The following POLR3B variants were observed in gnomAD, a reference collection of about 807,000 sequenced individuals.
POLR3B encodes the protein RNA polymerase III subunit B.
Under a neutral mutation model 147.4 loss-of-function variants are expected in POLR3B, and 96 were observed. That is an observed-to-expected ratio of 0.65 (90% CI 0.55 to 0.77). POLR3B has a LOEUF of 0.77. Ranked by LOEUF, POLR3B falls within the 30% of genes least tolerant of loss-of-function variation. The pLI, the probability that POLR3B is intolerant of heterozygous loss-of-function variation, is 0.00. For missense variants in POLR3B, 1,036 were observed against 1,413.5 expected, an observed-to-expected ratio of 0.73 and a Z score of 4.28; for synonymous variants, 461 against 485.9, an observed-to-expected ratio of 0.95 and a Z score of 0.67.
intron 18 of POLR3B, among the ~76,000 whole-genome samples, chr12:106,439,648 T>C (rs2037623465): frequency 6.6e-6 from 1 of 152,120 alleles, no homozygotes; most frequent in African/African-American, 2.4e-5. Flanking sequence ...GTTGCCAATA[T>C]ATATATTGCA....
chr12:106,506,218 C>G (rs932424243), intron 27 of POLR3B, among the ~76,000 whole-genome samples: 2 of 152,144 alleles, frequency 1.3e-5, no homozygotes, highest in African/African-American at 4.8e-5. Flanking sequence ...GAAAAGAAAT[C>G]ATGTAATAGG....
Position 106,369,259 on chromosome 12 carries a change from C to T in POLR3B, c.228-16C>T. 1.4e-6 allele frequency: 2 copies of T among 1,430,244 alleles called. No individual in the cohort carries two copies. Among genetic ancestry groups the T allele is most frequent in the Non-Finnish European group, 2.0e-6 (2 of 1,012,474 alleles). 88.6% of individuals were successfully genotyped at this position (1,430,244 alleles called of 1,614,324 possible). On this transcript the variant is annotated splice_polypyrimidine_tract_variant and intron_variant, in intron 4 of 27. Transcript: ENST00000228347. ...TCGAAGAAGTATAATTCATACCGCA[C>T]TAATTTGCTTTTCAGATATCTTAAT... is the stretch of plus-strand genomic sequence containing the variant.
intron 22 of POLR3B, among the ~76,000 whole-genome samples, chr12:106,462,101 C>A (rs1158777021): frequency 2.0e-5 from 3 of 152,192 alleles, no homozygotes; most frequent in Non-Finnish European, 4.4e-5. Context: ...CCTGTCGTTC[C>A]TGTCATCTTA....
chr12:106,360,083 T>A (rs1316390151), intron 1 of POLR3B, among the ~76,000 whole-genome samples: 1 of 152,220 alleles, frequency 6.6e-6, no homozygotes, highest in Non-Finnish European at 1.5e-5. Context: ...TATGCATATC[T>A]GAAACTTCAT....
chr12:106,496,504 C>T, intron 24 of POLR3B: 1 of 601,498 alleles, frequency 1.7e-6, no homozygotes, highest in Non-Finnish European at 2.9e-6. Flanking sequence ...GCTGTGTGGC[C>T]TTGGACAAGT....
chr12:106,366,435 A>G, intron 2 of POLR3B, 81 bp from the exon 3 acceptor site: 1 of 857,100 alleles, frequency 1.2e-6, no homozygotes, highest in Non-Finnish European at 2.0e-6. Flanking sequence ...AGATTCCATT[A>G]TATGATCTAT....
intron 13 of POLR3B, among the ~76,000 whole-genome samples, chr12:106,428,502 GTC>G (rs1259585499): frequency 6.6e-6 from 1 of 152,132 alleles, no homozygotes; most frequent in Non-Finnish European, 1.5e-5. Context: ...TAGCCCTCTT[GTC>G]TGTTTCTCGT....
At chr12:106,469,265 C>T (rs1271368012) in intron 23 of POLR3B, among the ~76,000 whole-genome samples, 1 of 131,262 alleles carries the variant, frequency 7.6e-6, no homozygotes, top group Non-Finnish European at 1.6e-5. Context: ...GATTGCAACC[C>T]CTGCTTTTTT....
chr12:106,458,873 G>A (rs2037897852), intron 21 of POLR3B, among the ~76,000 whole-genome samples: 2 of 152,176 alleles, frequency 1.3e-5, no homozygotes, highest in Non-Finnish European at 2.9e-5. Flanking sequence ...TAAATTGGTG[G>A]TGGCTTATTA....
chr12:106,505,098 G>T (rs1384744257), intron 27 of POLR3B, among the ~76,000 whole-genome samples: 1 of 152,154 alleles, frequency 6.6e-6, no homozygotes, highest in African/African-American at 2.4e-5. Flanking sequence ...GTAGCATTTG[G>T]TACACAAAGG....
intron 12 of POLR3B, among the ~76,000 whole-genome samples, chr12:106,422,554 G>A (rs2037385953): frequency 6.6e-6 from 1 of 152,148 alleles, no homozygotes; most frequent in African/African-American, 2.4e-5. Flanking sequence ...TGTTCATCTG[G>A]AATGAAGTAA....
chr12:106,417,963 A>G (rs567593406), intron 12 of POLR3B, among the ~76,000 whole-genome samples: 1 of 152,350 alleles, frequency 6.6e-6, no homozygotes, highest in African/African-American at 2.4e-5. Flanking sequence ...TTTATAAACA[A>G]TGTAAAGACA....
In POLR3B at chr12:106,438,198, T is replaced by C. The variant is rs140509771; in HGVS notation, c.1955+419T>C. On this transcript the variant is annotated intron_variant, in intron 18 of 27. Transcript: ENST00000228347. ...AGGATGGCTTCCAGCTTCATCCATG[T>C]CTCTGCAAAGGACATGATCTTGTTC... is the stretch of plus-strand genomic sequence containing the variant. Among the ~76,000 whole-genome samples the C allele has an allele frequency of 1.4e-4, 21 of 152,274 alleles. No homozygotes were observed. The East Asian group carries it at 4.1e-3, about 29-fold the overall frequency.
intron 9 of POLR3B, 32 bp from the exon 10 acceptor site, chr12:106,392,999 A>T (rs2036930759): frequency 6.2e-7 from 1 of 1,613,630 alleles, no homozygotes; most frequent in Admixed American, 1.7e-5. Flanking sequence ...ACACAAAGCC[A>T]ACACTCTTTC....
At chr12:106,431,119 G>A (rs1215181537) in intron 14 of POLR3B, among the ~76,000 whole-genome samples, 3 of 152,102 alleles carry the variant, frequency 2.0e-5, no homozygotes, top group African/African-American at 4.8e-5. Flanking sequence ...ATAGAGCCTT[G>A]GTTAGAGTAC....
chr12:106,463,579 C>G lies in POLR3B; in HGVS notation c.2672C>G (p.Pro891Arg). 6.2e-7 allele frequency: 1 copy of G among 1,613,582 alleles called. No homozygotes were observed. Among genetic ancestry groups the G allele is most frequent in the Non-Finnish European group, 8.5e-7 (1 of 1,179,628 alleles). ...IKMLLRQTRR[P>R]EIGDKFSSRH... ...ATGCTGCTGAGACAGACAAGGCGTC[C>G]AGAAATTGGAGACAAATTCAGCAGT... The change falls in exon 23 of 28, where the codon CCA becomes CGA. Residue 891 changes from proline (P) to arginine (R), a missense_variant. Transcript: ENST00000228347.
chr12:106,427,318 A>G lies in POLR3B; in HGVS notation c.1223A>G (p.Gln408Arg). 6.2e-7 allele frequency: 1 copy of G among 1,613,856 alleles called. No homozygotes were observed. Among genetic ancestry groups the G allele is most frequent in the Non-Finnish European group, 8.5e-7 (1 of 1,179,828 alleles). Reference sequence around the variant, plus strand: ...TTTGATGTTGTCAAACACATGCGCCAAGACCAGATCACCAATGGCATGGTG... The same window carrying G: ...TTTGATGTTGTCAAACACATGCGCCGAGACCAGATCACCAATGGCATGGTG... ...AQFDVVKHMR[Q>R]DQITNGMVNA... The change falls in exon 13 of 28, where the codon CAA becomes CGA. Residue 408 changes from glutamine (Q) to arginine (R), a missense_variant. Gln to Arg is a conservative substitution (Grantham distance 43). Coordinates refer to ENST00000228347, the MANE Select transcript of POLR3B (RefSeq NM_018082.6).
chr12:106,363,838 AG>A, intron 1 of POLR3B, 31 bp from the exon 2 acceptor site: 2 of 1,563,060 alleles, frequency 1.3e-6, no homozygotes, highest in Non-Finnish European at 1.8e-6. Flanking sequence ...GCTGGTACAG[AG>A]TTCTGATATT....
At chr12:106,394,651 A>G (rs774574424) in intron 10 of POLR3B, among the ~76,000 whole-genome samples, 11 of 152,206 alleles carry the variant, frequency 7.2e-5, no homozygotes, top group South Asian at 2.1e-4. Context: ...CAGAGCCCAA[A>G]CAGTAGGTTG....
Sources: allele counts gnomAD v4.1 joint callset (sites outside exome capture counted in the v4.1 genomes callset), GRCh38; gene constraint gnomAD v4.1.1; transcripts MANE v1.5; gene names NCBI Gene and HGNC (gene_info 2026-07-23, HGNC 2026-07-21).